Variants in TTC1 observed in about 807,000 individuals in gnomAD.
TTC1 encodes the protein tetratricopeptide repeat protein 1.
A neutral mutation model predicts 37.6 loss-of-function variants in TTC1; 31 were observed. The observed-to-expected ratio is 0.82, with a 90% CI of 0.62 to 1.11. TTC1 has a LOEUF of 1.11. Ranked by LOEUF, TTC1 falls within the 50% of genes most tolerant of loss-of-function variation. The probability of loss-of-function intolerance (pLI) is 0.00; values close to 1 mark genes in which losing one functional copy is unlikely to be tolerated. For synonymous variants in TTC1, 127 were observed against 122.4 expected, an observed-to-expected ratio of 1.04 and a Z score of -0.25; for missense variants, 351 against 339.0, an observed-to-expected ratio of 1.04 and a Z score of -0.28.
rs372463599 is a variant in TTC1 at position 160,021,971 on chromosome 5, A to G, written c.330+11113A>G. 2.8e-4 allele frequency among the ~76,000 whole-genome samples: 42 copies of G among 152,240 alleles called. 1 individual carries two copies. The highest frequency in any genetic ancestry group is 9.1e-4 in the African/African-American group (38 of 41,544). The stretch of plus-strand genomic sequence containing the variant: ...GATCCCTGGGTACTGTGCTTGGCAT[A>G]AAGTGTATGCCGTTTTATTTTGTAG... On this transcript the variant is annotated intron_variant, in intron 2 of 7. Coordinates refer to ENST00000231238, the MANE Select transcript of TTC1 (RefSeq NM_003314.3).
chr5:160,029,698 A>ATACAAAG (rs141889255), intron 2 of TTC1, among the ~76,000 whole-genome samples: 1 of 152,196 alleles, frequency 6.6e-6, no homozygotes, highest in African/African-American at 2.4e-5. Flanking sequence ...AAAGTACAGA[A>ATACAAAG]TACAAAGTAC....
chr5:160,036,777 A>G lies in TTC1; in HGVS notation c.478A>G (p.Asn160Asp). ...FQKERSILFS[N>D]RAAARMKQDK... is the part of the protein sequence containing the mutation. ...AAAGGAGAGGTCGATTCTATTTTCAAATAGAGCTGCAGCAAGGATGAAACA... is the reference window on the plus strand; with the variant it reads ...AAAGGAGAGGTCGATTCTATTTTCAGATAGAGCTGCAGCAAGGATGAAACA... Residue 160 changes from asparagine to aspartate, a missense_variant, in exon 4 of 8, where the codon AAT (asparagine) becomes GAT (aspartate). Physicochemically the swap from Asn to Asp is conservative, Grantham distance 23. Coordinates refer to ENST00000231238, the MANE Select transcript of TTC1 (RefSeq NM_003314.3). 1.2e-6 allele frequency: 2 copies of G among 1,613,754 alleles called. No homozygotes were observed. The highest frequency in any genetic ancestry group is 1.7e-6 in the Non-Finnish European group (2 of 1,179,840).
At chr5:160,045,454 C>CCA (rs57919333) in intron 5 of TTC1, among the ~76,000 whole-genome samples, 713 of 38,860 alleles carry the variant, frequency 0.018, 44 homozygotes, top group Non-Finnish European at 0.026. Context: ...CCCCCACCCT[C>CCA]CACACACACA....
chr5:160,055,953 A>G (rs190958861), intron 7 of TTC1, among the ~76,000 whole-genome samples: 2 of 152,332 alleles, frequency 1.3e-5, no homozygotes, highest in East Asian at 3.9e-4. Context: ...CACTGGAGGA[A>G]TAGAGTCAGT....
At position 160,035,207 on chromosome 5, in the gene TTC1, C is replaced by T. The variant is rs368278167; in HGVS notation, c.391+7C>T. 6.9e-5 allele frequency: 111 copies of T among 1,599,592 alleles called. No individual in the cohort carries two copies. Among genetic ancestry groups the T allele is most frequent in the South Asian group, 1.5e-4 (13 of 88,118 alleles). On this transcript the variant is annotated splice_region_variant and intron_variant, in intron 3 of 7. Transcript: ENST00000231238. Reference sequence around the variant, plus strand: ...GAACAGTTTAAGAAAGGAGGTAAGACGACTTTCAGCACTGATAATCTGGTC... The same window carrying T: ...GAACAGTTTAAGAAAGGAGGTAAGATGACTTTCAGCACTGATAATCTGGTC...
chr5:160,049,942 G>A (rs1757357824), intron 6 of TTC1, among the ~76,000 whole-genome samples: 1 of 151,968 alleles, frequency 6.6e-6, no homozygotes, highest in Admixed American at 6.6e-5. Context: ...AGCCGGGTGT[G>A]GTCGTACACA....
At chr5:160,024,885 G>T (rs1448051777) in intron 2 of TTC1, among the ~76,000 whole-genome samples, 3 of 152,036 alleles carry the variant, frequency 2.0e-5, no homozygotes, top group Non-Finnish European at 4.4e-5. Context: ...CCAGGCTGGG[G>T]TGCAGTGGCA....
chr5:160,055,757 A>G (rs1030882174), intron 7 of TTC1, among the ~76,000 whole-genome samples: 24 of 152,360 alleles, frequency 1.6e-4, no homozygotes, highest in African/African-American at 5.5e-4. Flanking sequence ...GGGCATGGCT[A>G]AGAGGGGCGT....
At chr5:160,035,805 A>G (rs1034264543) in intron 3 of TTC1, among the ~76,000 whole-genome samples, 2 of 152,198 alleles carry the variant, frequency 1.3e-5, no homozygotes, top group African/African-American at 4.8e-5. Flanking sequence ...ATTTGATCTT[A>G]GAGCAAAAGT....
intron 2 of TTC1, among the ~76,000 whole-genome samples, chr5:160,022,927 T>A (rs1377292371): frequency 6.6e-6 from 1 of 152,188 alleles, no homozygotes; most frequent in South Asian, 2.1e-4. Context: ...AATTGAGTTA[T>A]TCATTCAGCA....
intron 5 of TTC1, among the ~76,000 whole-genome samples, chr5:160,045,293 T>C (rs1383229464): frequency 6.6e-6 from 1 of 152,160 alleles, no homozygotes; most frequent in Non-Finnish European, 1.5e-5. Flanking sequence ...GAAAGTGTTT[T>C]CCAACCAAAG....
chr5:160,047,091 A>C (rs1033390652), intron 5 of TTC1, among the ~76,000 whole-genome samples: 2 of 152,220 alleles, frequency 1.3e-5, no homozygotes, highest in Non-Finnish European at 2.9e-5. Flanking sequence ...GCCAAAATTC[A>C]TGAATTTTAA....
intron 2 of TTC1, among the ~76,000 whole-genome samples, chr5:160,030,717 T>C (rs970684118): frequency 5.3e-5 from 8 of 152,190 alleles, no homozygotes; most frequent in African/African-American, 1.9e-4. Flanking sequence ...TTTTCAGTGA[T>C]GGAGAAGAAA....
intron 2 of TTC1, among the ~76,000 whole-genome samples, chr5:160,032,152 C>T (rs1023762190): frequency 1.3e-5 from 2 of 152,166 alleles, no homozygotes; most frequent in Admixed American, 6.5e-5. Flanking sequence ...AACATGAACA[C>T]ACATACACAC....
chr5:160,047,860 T>G (rs1460323005), intron 5 of TTC1, among the ~76,000 whole-genome samples: 91 of 152,328 alleles, frequency 6.0e-4, no homozygotes, highest in Non-Finnish European at 5.9e-5. Flanking sequence ...CATTTCTCGC[T>G]TCACTTGTAT....
intron 4 of TTC1, 85 bp downstream of exon 4, chr5:160,036,888 A>T: frequency 1.1e-6 from 1 of 936,004 alleles, no homozygotes; most frequent in Non-Finnish European, 1.7e-6. Flanking sequence ...AAACTAGCAT[A>T]GAGGTTGCTG....
At chr5:160,020,200 T>C (rs373742047) in intron 2 of TTC1, among the ~76,000 whole-genome samples, 4 of 152,186 alleles carry the variant, frequency 2.6e-5, no homozygotes, top group South Asian at 2.1e-4. Flanking sequence ...TTCTTTCATT[T>C]CTAATAGGCA....
chr5:160,019,461 A>G (rs1182806765), intron 2 of TTC1, among the ~76,000 whole-genome samples: 6 of 152,150 alleles, frequency 3.9e-5, no homozygotes, highest in African/African-American at 1.4e-4. Flanking sequence ...ATGTGTTTGC[A>G]GGGAATACTC....
At chr5:160,046,381 T>C (rs1293451142) in intron 5 of TTC1, among the ~76,000 whole-genome samples, 1 of 152,220 alleles carries the variant, frequency 6.6e-6, no homozygotes, top group African/African-American at 2.4e-5. Flanking sequence ...TATTCATTTT[T>C]TCCCTGCTTC....
Sources: allele counts gnomAD v4.1 joint callset (sites outside exome capture counted in the v4.1 genomes callset), GRCh38; gene constraint gnomAD v4.1.1; transcripts MANE v1.5; gene names NCBI Gene and HGNC (gene_info 2026-07-23, HGNC 2026-07-21).